The following ITPR2 variants were observed in gnomAD, a reference collection of about 807,000 sequenced individuals.
The protein encoded by ITPR2 is inositol 1,4,5-trisphosphate receptor type 2.
Under a neutral mutation model 317.1 loss-of-function variants are expected in ITPR2, and 207 were observed. The observed-to-expected ratio is 0.65, with a 90% CI of 0.58 to 0.73. The LOEUF (loss-of-function observed/expected upper bound fraction) is 0.73. ITPR2 is among the 30% of genes least tolerant of loss of function. ITPR2 has a pLI of 0.00. For missense variants in ITPR2, 2,613 were observed against 3,284.0 expected, an observed-to-expected ratio of 0.80 and a Z score of 4.99; for synonymous variants, 1,156 against 1,149.1, an observed-to-expected ratio of 1.01 and a Z score of -0.12.
intron 2 of ITPR2, among the ~76,000 whole-genome samples, chr12:26,784,180 T>G (rs1474799286): frequency 1.3e-5 from 2 of 151,952 alleles, no homozygotes; most frequent in Non-Finnish European, 2.9e-5. Context: ...AAGAGAATTC[T>G]ATGTACGTTT....
intron 43 of ITPR2, among the ~76,000 whole-genome samples, chr12:26,478,408 T>C (rs1356566447): frequency 6.6e-6 from 1 of 152,044 alleles, no homozygotes; most frequent in Non-Finnish European, 1.5e-5. Flanking sequence ...CTAGGATTAG[T>C]GGAGAGCTTA....
chr12:26,671,486 G>A (rs1947770270), intron 13 of ITPR2, among the ~76,000 whole-genome samples: 1 of 151,954 alleles, frequency 6.6e-6, no homozygotes, highest in African/African-American at 2.4e-5. Flanking sequence ...ATACTTTACA[G>A]ACAAGCAAAT....
intron 55 of ITPR2, among the ~76,000 whole-genome samples, chr12:26,361,147 G>C (rs1012570874): frequency 6.6e-6 from 1 of 151,734 alleles, no homozygotes; most frequent in African/African-American, 2.4e-5. Flanking sequence ...CCCAGGAGGC[G>C]GAGGTTGCAG....
At chr12:26,425,745 G>A (rs1941041072) in intron 49 of ITPR2, among the ~76,000 whole-genome samples, 1 of 151,610 alleles carries the variant, frequency 6.6e-6, no homozygotes. Flanking sequence ...GTTCTATGCT[G>A]TGAAAGCAAT....
chr12:26,650,954 A>G (rs767114470), intron 21 of ITPR2, among the ~76,000 whole-genome samples: 4 of 152,192 alleles, frequency 2.6e-5, no homozygotes, highest in Non-Finnish European at 4.4e-5. Flanking sequence ...TACATTAAAG[A>G]TGCAATAATA....
At chr12:26,537,911 G>C (rs1944142603) in intron 37 of ITPR2, among the ~76,000 whole-genome samples, 1 of 152,210 alleles carries the variant, frequency 6.6e-6, no homozygotes. Context: ...TCAAGCACCA[G>C]ATGGAATATG....
intron 1 of ITPR2, among the ~76,000 whole-genome samples, chr12:26,795,216 A>G (rs1346821310): frequency 6.6e-6 from 1 of 152,262 alleles, no homozygotes; most frequent in African/African-American, 2.4e-5. Flanking sequence ...TAGGATAATT[A>G]GTTGTCTATT....
At chr12:26,401,060 T>C (rs956778884) in intron 52 of ITPR2, among the ~76,000 whole-genome samples, 1 of 135,450 alleles carries the variant, frequency 7.4e-6, no homozygotes, top group Non-Finnish European at 1.6e-5. Flanking sequence ...AGAAACCCTA[T>C]CTCTACTAAA....
chr12:26,671,378 C>G (rs1334654073), intron 13 of ITPR2, among the ~76,000 whole-genome samples: 12 of 151,754 alleles, frequency 7.9e-5, no homozygotes, highest in Admixed American at 1.3e-4. Context: ...AGCCAGAAGA[C>G]AGTGGGGGCC....
At chr12:26,401,417 T>C (rs188550236) in intron 52 of ITPR2, among the ~76,000 whole-genome samples, 147 of 152,240 alleles carry the variant, frequency 9.7e-4, no homozygotes, top group Middle Eastern at 3.4e-3. Context: ...AAAAATTCTA[T>C]TTAGGGATAA....
At chr12:26,767,207 C>T (rs557615369) in intron 2 of ITPR2, among the ~76,000 whole-genome samples, 12 of 152,288 alleles carry the variant, frequency 7.9e-5, no homozygotes, top group Non-Finnish European at 1.3e-4. Flanking sequence ...TCAAGTACTG[C>T]AGTTCAAATT....
intron 12 of ITPR2, 85 bp downstream of exon 12, chr12:26,682,489 G>T: frequency 1.2e-6 from 1 of 809,944 alleles, no homozygotes; most frequent in Non-Finnish European, 2.0e-6. Context: ...TGGAGTATAA[G>T]GAACATGTGT....
At position 26,832,821 on chromosome 12, in the gene ITPR2, T is replaced by G. The variant is rs773435685; in HGVS notation, c.-40A>C. 1.3e-6 allele frequency: 2 copies of G among 1,488,952 alleles called. No homozygotes were observed. Among genetic ancestry groups the G allele is most frequent in the Non-Finnish European group, 1.9e-6 (2 of 1,075,778 alleles). The allele number at this position is 1,488,952 out of a possible 1,614,324, so 92.2% of individuals were successfully genotyped here. A position where few individuals can be genotyped will look rare whatever the true frequency, so the allele number is the denominator to read the frequency against. On this transcript the variant is annotated 5_prime_UTR_variant, in exon 1 of 57. Coordinates refer to ENST00000381340, the MANE Select transcript of ITPR2 (RefSeq NM_002223.4). The stretch of plus-strand genomic sequence containing the variant: ...CACAGTGGACGTCCCTCTTCTTCCC[T>G]GCGCCCTCGCCGCCCTCTCTCCAGG...
chr12:26,809,501 T>A (rs1950695669), intron 1 of ITPR2, among the ~76,000 whole-genome samples: 1 of 152,226 alleles, frequency 6.6e-6, no homozygotes, highest in African/African-American at 2.4e-5. Flanking sequence ...ATGAAATATC[T>A]CCCTAGGAAC....
chr12:26,558,562 C>T (rs1447711856), intron 35 of ITPR2, among the ~76,000 whole-genome samples: 5 of 152,222 alleles, frequency 3.3e-5, no homozygotes, highest in African/African-American at 1.2e-4. Context: ...CCATTTTACA[C>T]ACTGGTTTCT....
chr12:26,503,695 T>C (rs1013549190), intron 37 of ITPR2, among the ~76,000 whole-genome samples: 1 of 152,220 alleles, frequency 6.6e-6, no homozygotes, highest in African/African-American at 2.4e-5. Context: ...TGGATAATAA[T>C]ATTTACACTG....
intron 55 of ITPR2, among the ~76,000 whole-genome samples, chr12:26,348,029 G>T (rs770515547): frequency 6.6e-6 from 1 of 152,134 alleles, no homozygotes; most frequent in Admixed American, 6.5e-5. Context: ...GGTTTTTCTT[G>T]GTTACCATCC....
At chr12:26,713,174 G>A (rs1948679031) in intron 8 of ITPR2, among the ~76,000 whole-genome samples, 1 of 152,210 alleles carries the variant, frequency 6.6e-6, no homozygotes, top group Non-Finnish European at 1.5e-5. Context: ...CTCAGAGGAG[G>A]AGCAGTCATT....
intron 22 of ITPR2, 79 bp downstream of exon 22, chr12:26,631,787 T>C: frequency 7.9e-7 from 1 of 1,260,924 alleles, no homozygotes; most frequent in Admixed American, 1.8e-5. Flanking sequence ...TACACAGTGA[T>C]TTGGAACAAA....
Sources: gnomAD v4.1 joint callset for allele counts (sites outside exome capture counted in the v4.1 genomes callset) on GRCh38, gnomAD v4.1.1 for gene constraint, MANE v1.5 for transcripts, NCBI Gene and HGNC (gene_info 2026-07-23, HGNC 2026-07-21) for gene names.